Variants in DNAH14 observed in about 807,000 individuals in gnomAD.
The protein encoded by DNAH14 is axonemal beta dynein heavy chain 14.
Under a neutral mutation model 520.9 loss-of-function variants are expected in DNAH14, and 478 were observed. The observed-to-expected ratio is 0.92, with a 90% CI of 0.85 to 0.99. The LOEUF is 0.99. DNAH14 is among the 50% of genes least tolerant of loss of function. The pLI is 0.00. For synonymous variants in DNAH14, 1,581 were observed against 1,757.2 expected (o/e 0.90, Z 2.51); for missense variants, 4,831 against 5,234.5 (o/e 0.92, Z 2.38).
intron 36 of DNAH14, among the ~76,000 whole-genome samples, chr1:225,176,795 C>T (rs2149265819): frequency 6.6e-6 from 1 of 152,284 alleles, no homozygotes; most frequent in Admixed American, 6.5e-5. Flanking sequence ...TGCAAGGCTT[C>T]CCCAGCCATG....
At chr1:225,219,975 C>T (rs2089877106) in intron 41 of DNAH14, among the ~76,000 whole-genome samples, 1 of 152,176 alleles carries the variant, frequency 6.6e-6, no homozygotes, top group African/African-American at 2.4e-5. Context: ...AAGTCAGCTT[C>T]ATCTCTGGGA....
intron 36 of DNAH14, among the ~76,000 whole-genome samples, chr1:225,181,895 GA>G (rs2084056938): frequency 6.6e-6 from 1 of 152,088 alleles, no homozygotes; most frequent in Non-Finnish European, 1.5e-5. Context: ...ATAAAATATA[GA>G]ATAAATCAGG....
At chr1:225,062,913 T>C (rs529900410) in intron 17 of DNAH14, among the ~76,000 whole-genome samples, 8 of 152,200 alleles carry the variant, frequency 5.3e-5, no homozygotes, top group African/African-American at 1.9e-4. Context: ...ATCAGATACG[T>C]AACATGTAAC....
At chr1:224,965,349 C>T in intron 5 of DNAH14, among the ~76,000 whole-genome samples, 1 of 152,070 alleles carries the variant, frequency 6.6e-6, no homozygotes, top group African/African-American at 2.4e-5. Flanking sequence ...CAGAGCCTTG[C>T]AATCTGTATT....
intron 83 of DNAH14, among the ~76,000 whole-genome samples, chr1:225,391,185 T>G (rs183623888): frequency 1.6e-3 from 246 of 152,306 alleles, no homozygotes; most frequent in African/African-American, 5.5e-3. Flanking sequence ...GGGAGCTGAC[T>G]CCATCCTGTG....
chr1:225,003,074 A>C, intron 9 of DNAH14, 147 bp downstream of exon 9: 1 of 755,372 alleles, frequency 1.3e-6, no homozygotes, highest in Non-Finnish European at 2.0e-6. Context: ...TCTGCAAAGA[A>C]TGTGAGTTCC....
chr1:225,081,379 A>C (rs573333139), intron 19 of DNAH14, among the ~76,000 whole-genome samples: 80 of 152,334 alleles, frequency 5.3e-4, no homozygotes, highest in Non-Finnish European at 7.8e-4. Context: ...TAAGAAATAT[A>C]ACAGTAGCAC....
chr1:225,138,941 G>A (rs2079196654), intron 27 of DNAH14, among the ~76,000 whole-genome samples: 1 of 152,112 alleles, frequency 6.6e-6, no homozygotes, highest in Admixed American at 6.5e-5. Context: ...GACTGCAGCT[G>A]CTTCTAATCG....
chr1:225,105,359 T>G (rs2075944411), intron 23 of DNAH14, among the ~76,000 whole-genome samples: 1 of 152,162 alleles, frequency 6.6e-6, no homozygotes, highest in Non-Finnish European at 1.5e-5. Flanking sequence ...GAATGTATAT[T>G]CTGTTGATTT....
At chr1:225,181,544 T>C (rs1200845811) in intron 36 of DNAH14, among the ~76,000 whole-genome samples, 3 of 152,216 alleles carry the variant, frequency 2.0e-5, no homozygotes, top group Non-Finnish European at 4.4e-5. Flanking sequence ...AACCAATTCA[T>C]TGTGGTTTTC....
chr1:225,164,353 G>A (rs961959750), intron 35 of DNAH14, among the ~76,000 whole-genome samples: 4 of 151,928 alleles, frequency 2.6e-5, no homozygotes, highest in African/African-American at 9.7e-5. Context: ...ATCTTCAAAA[G>A]TTCTTTTTCC....
At chr1:225,059,061 G>A (rs537237522) in intron 17 of DNAH14, among the ~76,000 whole-genome samples, 3 of 152,218 alleles carry the variant, frequency 2.0e-5, no homozygotes, top group African/African-American at 7.2e-5. Flanking sequence ...GCAGAGCTGA[G>A]TTCAATTGCT....
intron 72 of DNAH14, among the ~76,000 whole-genome samples, chr1:225,352,789 T>G (rs1468640963): frequency 6.6e-6 from 1 of 152,098 alleles, no homozygotes; most frequent in Admixed American, 6.6e-5. Flanking sequence ...TGCGTTTAAA[T>G]GTTTGTATAG....
intron 79 of DNAH14, among the ~76,000 whole-genome samples, chr1:225,378,879 C>CAG (rs2095741380): frequency 1.5e-5 from 2 of 135,374 alleles, no homozygotes; most frequent in East Asian, 4.3e-4. Flanking sequence ...AACTCCGTCC[C>CAG]AAAAAAAAAA....
intron 27 of DNAH14, among the ~76,000 whole-genome samples, chr1:225,135,347 T>C (rs12084177): frequency 0.043 from 6,557 of 152,288 alleles, 416 homozygotes; most frequent in African/African-American, 0.14. Context: ...GATTCTGGTA[T>C]GTTGTCTCTT....
rs1235122579 is a variant in DNAH14 at position 225,238,752 on chromosome 1, G to A, written c.6519-1841G>A. Among the ~76,000 whole-genome samples the A allele has an allele frequency of 3.3e-5, 5 of 152,106 alleles. No individual in the cohort carries two copies. The East Asian group carries it at 7.8e-4, about 24-fold the overall frequency. On this transcript the variant is annotated intron_variant, in intron 42 of 85. Coordinates refer to ENST00000682510, the MANE Select transcript of DNAH14 (RefSeq NM_001367479.1). ...AATCAAACCACAGAGACAGCAGCCAGCCCCACCTCCAGGAGCTCCATCCCA... is the reference window on the plus strand; with the variant it reads ...AATCAAACCACAGAGACAGCAGCCAACCCCACCTCCAGGAGCTCCATCCCA...
At chr1:225,129,697 C>T (rs1391165163) in intron 27 of DNAH14, among the ~76,000 whole-genome samples, 1 of 151,506 alleles carries the variant, frequency 6.6e-6, no homozygotes, top group Non-Finnish European at 1.5e-5. Context: ...AAACGTTAGA[C>T]CTAAAACCAT....
At chr1:225,112,964 G>T (rs545782761) in intron 23 of DNAH14, among the ~76,000 whole-genome samples, 1 of 152,134 alleles carries the variant, frequency 6.6e-6, no homozygotes, top group East Asian at 1.9e-4. Context: ...ACATATCTCT[G>T]TCACTTTGGG....
At chr1:224,967,380 T>A in intron 5 of DNAH14, 51 bp from the exon 6 acceptor site, 1 of 1,355,760 alleles carries the variant, frequency 7.4e-7, no homozygotes, top group Non-Finnish European at 9.8e-7. Context: ...TTAATTTAGT[T>A]AATTTAGTCA....
Sources: allele counts gnomAD v4.1 joint callset (sites outside exome capture counted in the v4.1 genomes callset), GRCh38; gene constraint gnomAD v4.1.1; transcripts MANE v1.5; gene names NCBI Gene and HGNC (gene_info 2026-07-23, HGNC 2026-07-21).